The following TMEM214 variants were observed in gnomAD, a reference collection of about 807,000 sequenced individuals.
TMEM214 encodes the protein transmembrane protein 214.
In TMEM214, 71 loss-of-function variants were observed where a neutral mutation model predicts 89.8. That is an observed-to-expected ratio of 0.79 (90% CI 0.65 to 0.96). TMEM214 has a LOEUF of 0.96. Ranked by LOEUF, TMEM214 falls within the 40% of genes least tolerant of loss-of-function variation. TMEM214 has a pLI of 0.00. For missense variants in TMEM214, 754 were observed against 843.4 expected, an observed-to-expected ratio of 0.89 and a Z score of 1.31; for synonymous variants, 332 against 349.5, an observed-to-expected ratio of 0.95 and a Z score of 0.56.
chr2:27,038,884 G>A lies in TMEM214; in HGVS notation c.1407+69G>A, dbSNP rs1373635685. 1.3e-6 allele frequency: 2 copies of A among 1,490,932 alleles called. No homozygotes were observed. Among genetic ancestry groups the A allele is most frequent in the South Asian group, 1.2e-5 (1 of 86,636 alleles). The allele number at this position is 1,490,932 out of a possible 1,614,324, so 92.4% of individuals were successfully genotyped here. On this transcript the variant is annotated intron_variant, in intron 12 of 16. Coordinates refer to ENST00000238788, the MANE Select transcript of TMEM214 (RefSeq NM_017727.5). This position sits in a 1 kb window ranked among gnomAD's most constrained non-coding sequence, Gnocchi z 4.4. ...CTCTGTCTCAGCACACCTGGGTTGG[G>A]CCTGTATCACATTCCTGCCCCACCT...
intron 2 of TMEM214, 105 bp from the exon 3 acceptor site, chr2:27,035,030 T>A: frequency 7.6e-7 from 1 of 1,311,648 alleles, no homozygotes; most frequent in Non-Finnish European, 1.1e-6. Flanking sequence ...GAATCCCTTC[T>A]TCCTACTGCC....
rs1029346478 is a variant in TMEM214 at position 27,041,248 on chromosome 2, T to C, written c.*411T>C. On this transcript the variant is annotated 3_prime_UTR_variant, in exon 17 of 17. Transcript: ENST00000238788. ...AAATGATTCCTGCTTCTCCAGACTT[T>C]AGCAGCCTCCTGTTCCCATTCTTGG... 5.6e-5 allele frequency: 10 copies of C among 178,336 alleles called. No homozygotes were observed. The highest frequency in any genetic ancestry group is 1.6e-4 in the Admixed American group (3 of 18,254). 11.0% of individuals were successfully genotyped at this position (178,336 alleles called of 1,614,324 possible).
intron 5 of TMEM214, 64 bp downstream of exon 5, chr2:27,036,116 TG>T: frequency 6.6e-7 from 1 of 1,507,454 alleles, no homozygotes; most frequent in Admixed American, 1.8e-5. Flanking sequence ...GCAGAATCTA[TG>T]TTGTTGGACT....
At chr2:27,039,935 C>T in intron 14 of TMEM214, 95 bp from the exon 15 acceptor site, 2 of 1,595,034 alleles carry the variant, frequency 1.3e-6, no homozygotes, top group South Asian at 2.2e-5. Flanking sequence ...TGTGATTCTC[C>T]TTTCCCACGG....
Position 27,038,357 on chromosome 2 carries a change from G to A in TMEM214, c.1244+120G>A. 2.6e-6 allele frequency: 4 copies of A among 1,529,684 alleles called. No homozygotes were observed. The highest frequency in any genetic ancestry group is 3.6e-6 in the Non-Finnish European group (4 of 1,106,778). The allele number at this position is 1,529,684 out of a possible 1,614,324, so 94.8% of individuals were successfully genotyped here. ...GGAACATTGCTGGAGCAGCCTCTAGGAAGCTGCTGCTCTGTGGGTGGTAGG... is the reference window on the plus strand; with the variant it reads ...GGAACATTGCTGGAGCAGCCTCTAGAAAGCTGCTGCTCTGTGGGTGGTAGG... On this transcript the variant is annotated intron_variant, in intron 10 of 16. Coordinates refer to ENST00000238788, the MANE Select transcript of TMEM214 (RefSeq NM_017727.5). The surrounding 1 kb of genome is among the most constrained non-coding windows in gnomAD (Gnocchi z 4.4).
At position 27,037,026 on chromosome 2, in the gene TMEM214, C is replaced by T. The variant is rs369847395; in HGVS notation, c.909-51C>T. On this transcript the variant is annotated intron_variant, in intron 7 of 16. Coordinates refer to ENST00000238788, the MANE Select transcript of TMEM214 (RefSeq NM_017727.5). ...GGCTTAGCTGGGGTCATGGCCAAAA[C>T]AGCTGGCATGGGTGGTGGTGTCCAG... 118 of 1,540,166 alleles carry T rather than the reference C, an allele frequency of 7.7e-5. No individual in the cohort carries two copies. In the African/African-American group the frequency reaches 1.6e-3, roughly 21 times the overall value.
At position 27,036,478 on chromosome 2, in the gene TMEM214, T is replaced by A. The variant is rs765906716; in HGVS notation, c.721-9T>A. The A allele has an allele frequency of 1.9e-6, 3 of 1,611,812 alleles. No homozygotes were observed. The Admixed American group carries it at 5.0e-5, about 27-fold the overall frequency. On this transcript the variant is annotated splice_polypyrimidine_tract_variant and intron_variant, in intron 5 of 16. Coordinates refer to ENST00000238788, the MANE Select transcript of TMEM214 (RefSeq NM_017727.5). ...TATCCCAATCTGCCTTCCCCACCGG[T>A]CTCCTCAGTTCCTGGAACTGCTGAG...
In TMEM214 at chr2:27,040,095, A is replaced by G. The variant is rs776678217; in HGVS notation, c.1688A>G (p.Gln563Arg). The G allele has an allele frequency of 1.9e-6, 3 of 1,609,292 alleles. No homozygotes were observed. The highest frequency in any genetic ancestry group is 8.5e-7 in the Non-Finnish European group (1 of 1,180,014). ...HLLTVVRPSL[Q>R]LAWAHTNATV... ...CTCACCGTGGTGCGGCCCAGCTTGCAGCTGGCCTGGGCTCACACCAATGCC... is the reference window on the plus strand; with the variant it reads ...CTCACCGTGGTGCGGCCCAGCTTGCGGCTGGCCTGGGCTCACACCAATGCC... The change falls in exon 15 of 17, where the codon CAG becomes CGG. Residue 563 changes from glutamine (Q) to arginine (R), a missense_variant. Coordinates refer to ENST00000238788, the MANE Select transcript of TMEM214 (RefSeq NM_017727.5).
At position 27,038,472 on chromosome 2, in the gene TMEM214, C is replaced by T. The variant is rs752898100; in HGVS notation, c.1245-12C>T. On this transcript the variant is annotated splice_polypyrimidine_tract_variant and intron_variant, in intron 10 of 16. Coordinates refer to ENST00000238788, the MANE Select transcript of TMEM214 (RefSeq NM_017727.5). The surrounding 1 kb of genome is among the most constrained non-coding windows in gnomAD (Gnocchi z 4.4). ...CGAGCCACCTGACTAGGGGGTTGTG[C>T]TTTCCCCACAGCCTTCTGCTGGAGC... 1 of 1,613,872 alleles carries T rather than the reference C, an allele frequency of 6.2e-7. No homozygotes were observed. The highest frequency in any genetic ancestry group is 8.5e-7 in the Non-Finnish European group (1 of 1,179,960).
Position 27,038,856 on chromosome 2 carries a change from C to T in TMEM214, c.1407+41C>T, listed in dbSNP as rs372850253. 332 of 1,568,394 alleles carry T rather than the reference C, an allele frequency of 2.1e-4. No homozygotes were observed. The highest frequency in any genetic ancestry group is 6.8e-4 in the Middle Eastern group (4 of 5,888). ...CCTCTCCAGCCCACACGCTATCTTA[C>T]ATCTCTGTCTCAGCACACCTGGGTT... On this transcript the variant is annotated intron_variant, in intron 12 of 16. Coordinates refer to ENST00000238788, the MANE Select transcript of TMEM214 (RefSeq NM_017727.5). This position sits in a 1 kb window ranked among gnomAD's most constrained non-coding sequence, Gnocchi z 4.4.
rs559816924 is a variant in TMEM214, at chr2:27,039,801, G to T, written c.1586G>T (p.Cys529Phe). 2.0e-5 allele frequency: 32 copies of T among 1,614,228 alleles called. No homozygotes were observed. In the South Asian group the frequency reaches 3.5e-4, roughly 18 times the overall value. The change falls in exon 14 of 17, where the codon TGT becomes TTT. Residue 529 changes from cysteine to phenylalanine, a missense_variant. Transcript: ENST00000238788. ...TTCTTACCTGCTAGCCAACAAGCGT[G>T]TGCCAAGCTCTACTCCTACAGTCTG... ...SGFLPASQQA[C>F]AKLYSYSLQG...
intron 5 of TMEM214, 77 bp from the exon 6 acceptor site, chr2:27,036,410 C>T (rs1439986511): frequency 3.3e-6 from 4 of 1,218,618 alleles, no homozygotes; most frequent in Non-Finnish European, 4.9e-6. Flanking sequence ...GTTGACATCT[C>T]CCTTCCCTCC....
chr2:27,033,253 G>T, intron 1 of TMEM214, 87 bp downstream of exon 1: 9 of 1,182,880 alleles, frequency 7.6e-6, no homozygotes, highest in Non-Finnish European at 9.6e-6. Flanking sequence ...GCGCGAGCTC[G>T]CAGGCACATC....
chr2:27,039,018 A>C, intron 12 of TMEM214, 29 bp from the exon 13 acceptor site: 1 of 1,609,318 alleles, frequency 6.2e-7, no homozygotes, highest in Non-Finnish European at 8.5e-7. Flanking sequence ...CTCGCTTCTG[A>C]CAACTGTCTC....
At position 27,036,486 on chromosome 2, in the gene TMEM214, G is replaced by T. The variant is rs140794482; in HGVS notation, c.721-1G>T. The T allele has an allele frequency of 3.1e-6, 5 of 1,613,820 alleles. No homozygotes were observed. In the African/African-American group the frequency reaches 6.7e-5, roughly 22 times the overall value. ...TCTGCCTTCCCCACCGGTCTCCTCA[G>T]TTCCTGGAACTGCTGAGGTCCCACC... On this transcript the variant is annotated splice_acceptor_variant, in intron 5 of 16. Transcript: ENST00000238788. LOFTEE classifies it high-confidence loss of function.
At chr2:27,034,457 G>T (rs1262640192) in intron 2 of TMEM214, 191 bp downstream of exon 2, 2 of 639,974 alleles carry the variant, frequency 3.1e-6, no homozygotes, top group Non-Finnish European at 5.3e-6. Flanking sequence ...AAAGGAAATG[G>T]AAAATTTATA....
chr2:27,035,246 G>T lies in TMEM214; in HGVS notation c.463G>T (p.Ala155Ser). Residue 155 changes from alanine to serine, a missense_variant, in exon 3 of 17, where the codon GCT becomes TCT. Physicochemically the swap from Ala to Ser is moderately conservative, Grantham distance 99. Coordinates refer to ENST00000238788, the MANE Select transcript of TMEM214 (RefSeq NM_017727.5). The part of the protein sequence containing the change: ...LASYLNYKLQ[A>S]PLSEPTLSQH... ...CAGCTATCTCAACTACAAGCTACAA[G>T]CTCCTCTAAGTGAACCCACGCTGAG... 6.2e-7 allele frequency: 1 copy of T among 1,614,194 alleles called. No homozygotes were observed. Among genetic ancestry groups the T allele is most frequent in the Non-Finnish European group, 8.5e-7 (1 of 1,180,044 alleles).
At chr2:27,035,357 A>G in intron 3 of TMEM214, 72 bp downstream of exon 3, 1 of 1,587,292 alleles carries the variant, frequency 6.3e-7, no homozygotes, top group Non-Finnish European at 8.6e-7. Context: ...AACAGATCCC[A>G]GTGCCCCACA....
At position 27,035,436 on chromosome 2, in the gene TMEM214, C is replaced by T. The variant is rs530064467; in HGVS notation, c.502+151C>T. ...CGTGACTGTGAATGTTTCTGGGCCT[C>T]ATTCTGTGATCCTCCCTCTGGGCCT... is the stretch of plus-strand genomic sequence containing the variant. On this transcript the variant is annotated intron_variant, in intron 3 of 16. Transcript: ENST00000238788. 86 of 1,413,680 alleles carry T rather than the reference C, an allele frequency of 6.1e-5. 1 individual carries two copies. In the African/African-American group the frequency reaches 1.1e-3, roughly 18 times the overall value. 87.6% of individuals were successfully genotyped at this position (1,413,680 alleles called of 1,614,324 possible). A position where few individuals can be genotyped will look rare whatever the true frequency, so the allele number is the denominator to read the frequency against.
Sources: allele counts gnomAD v4.1 joint callset, GRCh38; gene constraint gnomAD v4.1.1; non-coding constraint Gnocchi (gnomAD v3.1); transcripts MANE v1.5; gene names NCBI Gene and HGNC (gene_info 2026-07-23, HGNC 2026-07-21).